The following OTUD7A variants were observed in gnomAD, a reference collection of about 807,000 sequenced individuals.
OTUD7A encodes OTU deubiquitinase 7A, also known as OTU domain-containing protein 7A.
OTUD7A carries 12 observed loss-of-function variants against 65.7 expected under a neutral mutation model. The observed-to-expected ratio is 0.18, with a 90% CI of 0.12 to 0.30. The LOEUF (loss-of-function observed/expected upper bound fraction) is 0.30, where lower values mean the gene tolerates loss of function less well. Among genes scored for constraint, OTUD7A ranks in the 10% least tolerant of loss-of-function variants. The probability of loss-of-function intolerance (pLI) is 1.00; values close to 1 mark genes in which losing one functional copy is unlikely to be tolerated. For synonymous variants in OTUD7A, 641 were observed against 586.3 expected, an observed-to-expected ratio of 1.09 and a Z score of -1.35; for missense variants, 1,148 against 1,304.8, an observed-to-expected ratio of 0.88 and a Z score of 1.85.
chr15:31,616,725 G>C (rs1890598919), intron 3 of OTUD7A, among the ~76,000 whole-genome samples: 1 of 152,110 alleles, frequency 6.6e-6, no homozygotes, highest in African/African-American at 2.4e-5. Flanking sequence ...TGTATTTTCA[G>C]TAGAGACGGG....
chr15:31,496,225 AT>A (rs34267794), intron 10 of OTUD7A, among the ~76,000 whole-genome samples: 247 of 145,582 alleles, frequency 1.7e-3, no homozygotes, highest in South Asian at 4.8e-3. Flanking sequence ...TTGATAAATG[AT>A]TTTTTTTTTT....
intron 1 of OTUD7A, among the ~76,000 whole-genome samples, chr15:31,712,939 T>C (rs1480365041): frequency 6.6e-6 from 1 of 152,066 alleles, no homozygotes; most frequent in Admixed American, 6.6e-5. Context: ...GAAATGATCC[T>C]AGCTCATTCC....
Position 31,780,434 on chromosome 15 carries a change from C to T in OTUD7A, c.-100+90073G>A, listed in dbSNP as rs551126153. On this transcript the variant is annotated intron_variant, in intron 1 of 12. Coordinates refer to ENST00000307050, the MANE Select transcript of OTUD7A (RefSeq NM_001382637.1). The stretch of plus-strand genomic sequence containing the variant: ...TATAAAAAACCTAAATCAAGCCTCC[C>T]TGGCAGGTAGGCAGGCCCTCTACTC... Among the ~76,000 whole-genome samples, 8 of 152,276 alleles carry T rather than the reference C, an allele frequency of 5.3e-5. No individual in the cohort carries two copies. In the South Asian group the frequency reaches 1.7e-3, roughly 32 times the overall value.
At chr15:31,610,593 T>TTATATA (rs1244768576) in intron 3 of OTUD7A, among the ~76,000 whole-genome samples, 50 of 80,992 alleles carry the variant, frequency 6.2e-4, no homozygotes, top group African/African-American at 8.4e-4. Context: ...AAAAATGAAA[T>TTATATA]TATATATATA....
chr15:31,584,710 T>C (rs1889476157), intron 3 of OTUD7A, among the ~76,000 whole-genome samples: 1 of 152,152 alleles, frequency 6.6e-6, no homozygotes, highest in South Asian at 2.1e-4. Flanking sequence ...GCTGAGCTCT[T>C]TGGATATGAA....
intron 1 of OTUD7A, among the ~76,000 whole-genome samples, chr15:31,666,256 C>A (rs1892317865): frequency 6.6e-6 from 1 of 151,906 alleles, no homozygotes; most frequent in Admixed American, 6.6e-5. Context: ...TCCTGGACTT[C>A]TTTTGTTGGT....
chr15:31,513,549 A>C (rs911940564), intron 8 of OTUD7A, among the ~76,000 whole-genome samples: 1 of 152,254 alleles, frequency 6.6e-6, no homozygotes, highest in Non-Finnish European at 1.5e-5. Flanking sequence ...CTTGACTTCC[A>C]TGACCTTGAC....
chr15:31,827,035 G>A (rs937310502), intron 1 of OTUD7A, among the ~76,000 whole-genome samples: 1 of 152,064 alleles, frequency 6.6e-6, no homozygotes, highest in Non-Finnish European at 1.5e-5. Flanking sequence ...TGTCTTCTTC[G>A]GAGCCCTCCA....
At chr15:31,736,565 A>G (rs1894198572) in intron 1 of OTUD7A, among the ~76,000 whole-genome samples, 1 of 152,176 alleles carries the variant, frequency 6.6e-6, no homozygotes, top group African/African-American at 2.4e-5. Flanking sequence ...TACGCCTCAC[A>G]CTGAAGCTGT....
In OTUD7A at chr15:31,625,876, T is replaced by C. The variant is rs367942036; in HGVS notation, c.151+29220A>G. Among the ~76,000 whole-genome samples, 12 of 152,238 alleles carry C rather than the reference T, an allele frequency of 7.9e-5. No homozygotes were observed. The East Asian group carries it at 1.9e-3, about 24-fold the overall frequency. ...AAATGAACTGCTAATATACTCAACATAGATGAATTTCAGAAATGTGCTTGG... is the reference window on the plus strand; with the variant it reads ...AAATGAACTGCTAATATACTCAACACAGATGAATTTCAGAAATGTGCTTGG... On this transcript the variant is annotated intron_variant, in intron 3 of 12. Coordinates refer to ENST00000307050, the MANE Select transcript of OTUD7A (RefSeq NM_001382637.1).
intron 5 of OTUD7A, among the ~76,000 whole-genome samples, chr15:31,549,154 AAAAGTAG>A (rs1888235281): frequency 6.6e-6 from 1 of 151,836 alleles, no homozygotes; most frequent in East Asian, 1.9e-4. Flanking sequence ...AAAAAAAAAA[AAAAGTAG>A]AATTCAGTCC....
intron 5 of OTUD7A, among the ~76,000 whole-genome samples, chr15:31,549,265 CCT>C (rs1888240900): frequency 6.6e-6 from 1 of 152,174 alleles, no homozygotes; most frequent in Non-Finnish European, 1.5e-5. Flanking sequence ...AAAAAATTCC[CCT>C]GACCACAACA....
intron 1 of OTUD7A, among the ~76,000 whole-genome samples, chr15:31,689,741 G>C (rs1283368189): frequency 1.3e-5 from 2 of 152,174 alleles, no homozygotes; most frequent in African/African-American, 4.8e-5. Context: ...GGATCAATGG[G>C]AAAAGTCTCA....
At chr15:31,709,985 T>C (rs1306345965) in intron 1 of OTUD7A, among the ~76,000 whole-genome samples, 1 of 150,750 alleles carries the variant, frequency 6.6e-6, no homozygotes, top group South Asian at 2.1e-4. Flanking sequence ...TAAATAGTCA[T>C]GTTTGTGTAA....
In OTUD7A at chr15:31,554,431, C is replaced by G. The variant is rs551594839; in HGVS notation, c.550+4538G>C. Among the ~76,000 whole-genome samples the G allele has an allele frequency of 3.3e-5, 5 of 152,320 alleles. No individual in the cohort carries two copies. The East Asian group carries it at 5.8e-4, about 18-fold the overall frequency. On this transcript the variant is annotated intron_variant, in intron 5 of 12. Transcript: ENST00000307050. ...AGAGGGAAGGAAGTGAGGCTCCAGC[C>G]GGCCAAGTGACGTGGCCAAGCTCCC... is the stretch of plus-strand genomic sequence containing the variant.
At chr15:31,490,516 A>T (rs1275627667) in intron 10 of OTUD7A, among the ~76,000 whole-genome samples, 1 of 152,254 alleles carries the variant, frequency 6.6e-6, no homozygotes, top group Non-Finnish European at 1.5e-5. Context: ...CAGACAGCTG[A>T]AGTCACAGGG....
chr15:31,869,763 G>A (rs1381573348), intron 1 of OTUD7A, among the ~76,000 whole-genome samples: 1 of 152,202 alleles, frequency 6.6e-6, no homozygotes, highest in Non-Finnish European at 1.5e-5. Flanking sequence ...TAGCTTCACC[G>A]GGAGGGAGGA....
rs1178583197 is a variant in OTUD7A, at chr15:31,590,363, AGTG to A, written c.152-20169_152-20167del. Among the ~76,000 whole-genome samples the A allele has an allele frequency of 1.7e-4, 26 of 152,338 alleles. 1 individual carries two copies. Among genetic ancestry groups the A allele is most frequent in the Non-Finnish European group, 3.4e-4 (23 of 68,028 alleles). ...GTCTCATAAGGTATTTCTGTCATTC[AGTG>A]ATGAATGACTATATATGTGTGTGTT... On this transcript the variant is annotated intron_variant, in intron 3 of 12. Transcript: ENST00000307050.
chr15:31,574,240 A>C (rs1279199019), intron 3 of OTUD7A, among the ~76,000 whole-genome samples: 1 of 152,180 alleles, frequency 6.6e-6, no homozygotes, highest in Admixed American at 6.5e-5. Flanking sequence ...ATCAGAAAAA[A>C]TATTCTAAAA....
Sources: allele counts gnomAD v4.1 joint callset (sites outside exome capture counted in the v4.1 genomes callset), GRCh38; gene constraint gnomAD v4.1.1; transcripts MANE v1.5; gene names NCBI Gene and HGNC (gene_info 2026-07-23, HGNC 2026-07-21).